The following ZNF407 variants were observed in gnomAD, a reference collection of about 807,000 sequenced individuals.
ZNF407 encodes zinc finger protein 407.
A neutral mutation model predicts 131.2 loss-of-function variants in ZNF407; 17 were observed. The observed-to-expected ratio is 0.13, with a 90% CI of 0.09 to 0.19. ZNF407 has a LOEUF of 0.19. ZNF407 is among the 10% of genes least tolerant of loss of function. The pLI, the probability that ZNF407 is intolerant of heterozygous loss-of-function variation, is 1.00. For missense variants in ZNF407, 2,681 were observed against 2,830.6 expected, an observed-to-expected ratio of 0.95 and a Z score of 1.20; for synonymous variants, 1,156 against 1,062.0, an observed-to-expected ratio of 1.09 and a Z score of -1.72.
chr18:75,028,943 ATT>A (rs897374376), intron 8 of ZNF407, among the ~76,000 whole-genome samples: 1 of 152,140 alleles, frequency 6.6e-6, no homozygotes, highest in Non-Finnish European at 1.5e-5. Context: ...CAGACACTTT[ATT>A]TTGTTAGAAT....
chr18:74,845,886 A>G (rs531015245), intron 4 of ZNF407, among the ~76,000 whole-genome samples: 8 of 152,360 alleles, frequency 5.3e-5, no homozygotes, highest in Admixed American at 1.3e-4. Context: ...CCAACTGATT[A>G]TGTAAGTTAG....
intron 8 of ZNF407, among the ~76,000 whole-genome samples, chr18:74,973,745 G>C (rs545932755): frequency 6.6e-6 from 1 of 152,322 alleles, no homozygotes; most frequent in Admixed American, 6.5e-5. Context: ...TTCCTCTGAA[G>C]TCACTAGGAT....
chr18:74,991,278 C>T (rs754860801), intron 8 of ZNF407, among the ~76,000 whole-genome samples: 2 of 152,220 alleles, frequency 1.3e-5, no homozygotes, highest in African/African-American at 2.4e-5. Flanking sequence ...TTTGTGTGCA[C>T]ACACTTCGAT....
chr18:74,676,484 T>TGC (rs1986371160), intron 3 of ZNF407, among the ~76,000 whole-genome samples: 3 of 150,608 alleles, frequency 2.0e-5, no homozygotes, highest in Admixed American at 6.6e-5. Flanking sequence ...TCACCCAGGC[T>TGC]GGAGTGCAGT....
chr18:75,043,929 TA>T (rs1973402595), intron 8 of ZNF407, among the ~76,000 whole-genome samples: 1 of 152,236 alleles, frequency 6.6e-6, no homozygotes, highest in South Asian at 2.1e-4. Flanking sequence ...TCTAAATTGC[TA>T]AACTGCTCCG....
At chr18:74,808,990 A>C (rs1340541126) in intron 4 of ZNF407, among the ~76,000 whole-genome samples, 2 of 152,230 alleles carry the variant, frequency 1.3e-5, no homozygotes, top group African/African-American at 4.8e-5. Flanking sequence ...ATGTGGAGCT[A>C]ACACAGACCG....
At chr18:74,835,632 GTGT>G (rs1568235438) in intron 4 of ZNF407, among the ~76,000 whole-genome samples, 19 of 59,278 alleles carry the variant, frequency 3.2e-4, no homozygotes, top group African/African-American at 1.7e-3. Context: ...AGAGGGGGGT[GTGT>G]GTGTGTGTGT....
rs139608843 is a variant in ZNF407, at chr18:74,983,395, G to A, written c.5428+62703G>A. Among the ~76,000 whole-genome samples, 429 of 152,238 alleles carry A rather than the reference G, an allele frequency of 2.8e-3. 1 individual carries two copies. Among genetic ancestry groups the A allele is most frequent in the Middle Eastern group, 6.8e-3 (2 of 294 alleles). ...TTGTTCCTAAAGAAGTGTTCACTTTGTAATTTCCCAAATGAAAATAGGAAG... is the reference window on the plus strand; with the variant it reads ...TTGTTCCTAAAGAAGTGTTCACTTTATAATTTCCCAAATGAAAATAGGAAG... On this transcript the variant is annotated intron_variant, in intron 8 of 8. Transcript: ENST00000299687.
chr18:74,867,507 C>T (rs1396937777), intron 4 of ZNF407, among the ~76,000 whole-genome samples: 2 of 152,188 alleles, frequency 1.3e-5, no homozygotes, highest in African/African-American at 4.8e-5. Flanking sequence ...TTCCATGGTC[C>T]TTCTGAGGCT....
chr18:74,890,146 A>T, intron 7 of ZNF407, 108 bp downstream of exon 7: 2 of 1,263,136 alleles, frequency 1.6e-6, no homozygotes, highest in Non-Finnish European at 2.0e-6. Flanking sequence ...ATGAGTTCAT[A>T]TATTCGGTTG....
chr18:74,839,810 G>A (rs1970607290), intron 4 of ZNF407, among the ~76,000 whole-genome samples: 1 of 152,210 alleles, frequency 6.6e-6, no homozygotes, highest in Middle Eastern at 3.4e-3. Flanking sequence ...ATGGGAATTA[G>A]TAATAAGGAA....
intron 4 of ZNF407, among the ~76,000 whole-genome samples, chr18:74,786,821 T>G (rs980423674): frequency 9.8e-4 from 44 of 45,124 alleles, no homozygotes; most frequent in East Asian, 2.1e-3. Flanking sequence ...TTTTTTTTTT[T>G]GGAGATGGAG....
intron 3 of ZNF407, among the ~76,000 whole-genome samples, chr18:74,644,816 A>T (rs546078505): frequency 6.6e-6 from 1 of 151,512 alleles, no homozygotes; most frequent in African/African-American, 2.4e-5. Context: ...TTTCTTTTCT[A>T]TATTTCTCCA....
intron 4 of ZNF407, among the ~76,000 whole-genome samples, chr18:74,824,182 G>A (rs574645645): frequency 9.7e-4 from 147 of 152,190 alleles, no homozygotes; most frequent in African/African-American, 3.2e-3. Flanking sequence ...AAGACACAAC[G>A]TACCAGAATC....
At chr18:74,828,658 C>T (rs1052781490) in intron 4 of ZNF407, among the ~76,000 whole-genome samples, 12 of 139,888 alleles carry the variant, frequency 8.6e-5, no homozygotes, top group African/African-American at 2.2e-4. Flanking sequence ...GCTGATTCTA[C>T]GCTGTTCCTG....
chr18:74,798,734 T>C (rs1969967473), intron 4 of ZNF407, among the ~76,000 whole-genome samples: 1 of 152,072 alleles, frequency 6.6e-6, no homozygotes, highest in Non-Finnish European at 1.5e-5. Context: ...GGAAAAACAG[T>C]CTTTATTATT....
intron 8 of ZNF407, among the ~76,000 whole-genome samples, chr18:74,954,969 T>C (rs1011438945): frequency 6.6e-6 from 1 of 152,236 alleles, no homozygotes; most frequent in Non-Finnish European, 1.5e-5. Context: ...GGTGTTGTTA[T>C]ATGTTACAAG....
chr18:74,673,866 TTG>T (rs1438206381), intron 3 of ZNF407, among the ~76,000 whole-genome samples: 9 of 152,222 alleles, frequency 5.9e-5, no homozygotes, highest in African/African-American at 1.7e-4. Flanking sequence ...CATAGGTAAA[TTG>T]TTAGTTAAAA....
intron 3 of ZNF407, among the ~76,000 whole-genome samples, chr18:74,770,774 C>T (rs934041059): frequency 2.6e-5 from 4 of 152,004 alleles, no homozygotes; most frequent in African/African-American, 9.7e-5. Flanking sequence ...ATCAAATAAG[C>T]TCTCAGATTC....
Sources: allele counts gnomAD v4.1 joint callset (sites outside exome capture counted in the v4.1 genomes callset), GRCh38; gene constraint gnomAD v4.1.1; transcripts MANE v1.5; gene names NCBI Gene and HGNC (gene_info 2026-07-23, HGNC 2026-07-21).